The following RIN2 variants were observed in gnomAD, a reference collection of about 807,000 sequenced individuals.
RIN2 encodes Ras and Rab interactor 2.
A neutral mutation model predicts 78.0 loss-of-function variants in RIN2; 36 were observed. That is an observed-to-expected ratio of 0.46 (90% CI 0.35 to 0.61). The LOEUF is 0.61. Ranked by LOEUF, RIN2 falls within the 20% of genes least tolerant of loss-of-function variation. The pLI is 0.00. For synonymous variants in RIN2, 466 were observed against 466.8 expected (o/e 1.00, Z 0.02); for missense variants, 1,087 against 1,159.7 (o/e 0.94, Z 0.91).
At chr20:19,815,230 A>C (rs2035728157) in intron 2 of RIN2, among the ~76,000 whole-genome samples, 1 of 152,228 alleles carries the variant, frequency 6.6e-6, no homozygotes, top group South Asian at 2.1e-4. Flanking sequence ...TAGGTAATTC[A>C]TTATTGAGAA....
intron 3 of RIN2, among the ~76,000 whole-genome samples, chr20:19,920,310 A>AG (rs2039865309): frequency 6.6e-6 from 1 of 151,898 alleles, no homozygotes. Flanking sequence ...AAAAAAAAAA[A>AG]AAGGAAAAAC....
At chr20:19,825,054 G>C (rs949600591) in intron 2 of RIN2, among the ~76,000 whole-genome samples, 1 of 152,206 alleles carries the variant, frequency 6.6e-6, no homozygotes, top group Non-Finnish European at 1.5e-5. Flanking sequence ...TCACCAGTGG[G>C]ATAACTGTGG....
At chr20:19,819,269 C>T (rs1374652494) in intron 2 of RIN2, among the ~76,000 whole-genome samples, 3 of 152,226 alleles carry the variant, frequency 2.0e-5, no homozygotes, top group African/African-American at 7.2e-5. Context: ...TCCTGGCTTG[C>T]AGATAGTCAC....
chr20:19,776,612 G>A (rs1003324930), intron 1 of RIN2, among the ~76,000 whole-genome samples: 2 of 151,910 alleles, frequency 1.3e-5, no homozygotes, highest in Non-Finnish European at 2.9e-5. Context: ...GCTGCCTGTA[G>A]TCCCAGCTAC....
At chr20:19,997,474 C>G (rs1250973726) in intron 12 of RIN2, among the ~76,000 whole-genome samples, 1 of 152,110 alleles carries the variant, frequency 6.6e-6, no homozygotes, top group Non-Finnish European at 1.5e-5. Flanking sequence ...AATCTTTACC[C>G]AAGGCCAGGC....
chr20:19,884,233 A>C (rs1240108172), intron 2 of RIN2, among the ~76,000 whole-genome samples: 1 of 151,974 alleles, frequency 6.6e-6, no homozygotes, highest in African/African-American at 2.4e-5. Flanking sequence ...CCTGGGCAAC[A>C]TAGGGAGGGA....
chr20:19,782,312 C>T (rs984341455), intron 1 of RIN2, among the ~76,000 whole-genome samples: 7 of 152,154 alleles, frequency 4.6e-5, no homozygotes, highest in African/African-American at 1.7e-4. Context: ...CGCCTGTAAT[C>T]CCGGCACTTT....
At chr20:19,990,624 T>C (rs1364590837) in intron 10 of RIN2, among the ~76,000 whole-genome samples, 1 of 151,976 alleles carries the variant, frequency 6.6e-6, no homozygotes, top group African/African-American at 2.4e-5. Flanking sequence ...AAGAAGAAAA[T>C]TAACTGAGGG....
intron 2 of RIN2, among the ~76,000 whole-genome samples, chr20:19,827,024 G>A (rs2036113117): frequency 7.1e-6 from 1 of 141,236 alleles, no homozygotes. Context: ...TGCCCAGGCT[G>A]GAGTACAGTG....
At chr20:19,895,977 A>G (rs2038701137) in intron 3 of RIN2, 1 of 152,142 alleles carries the variant, frequency 6.6e-6, no homozygotes, top group African/African-American at 2.4e-5. Context: ...TTTTTCAATC[A>G]TTCAGAACTG....
At chr20:19,944,242 A>C (rs2040996219) in intron 4 of RIN2, among the ~76,000 whole-genome samples, 1 of 152,010 alleles carries the variant, frequency 6.6e-6, no homozygotes, top group African/African-American at 2.4e-5. Context: ...CTGTCTCTCT[A>C]CATAAGGGGC....
chr20:19,862,722 A>C (rs2037382096), intron 2 of RIN2, among the ~76,000 whole-genome samples: 1 of 152,182 alleles, frequency 6.6e-6, no homozygotes, highest in African/African-American at 2.4e-5. Context: ...TCATTGAATA[A>C]TTTTTTCTTT....
At chr20:19,957,649 T>C (rs576226745) in intron 5 of RIN2, among the ~76,000 whole-genome samples, 1 of 151,884 alleles carries the variant, frequency 6.6e-6, no homozygotes, top group African/African-American at 2.4e-5. Context: ...TGCACTCCAG[T>C]CTGGGCGACA....
intron 2 of RIN2, among the ~76,000 whole-genome samples, chr20:19,810,153 C>T (rs2035542015): frequency 6.6e-6 from 1 of 150,754 alleles, no homozygotes; most frequent in Non-Finnish European, 1.5e-5. Context: ...AATGCCAGCA[C>T]TTTGGGAGGC....
At chr20:19,778,030 C>A (rs1185518140) in intron 1 of RIN2, among the ~76,000 whole-genome samples, 11 of 152,194 alleles carry the variant, frequency 7.2e-5, no homozygotes, top group South Asian at 2.1e-4. Context: ...AAAAAGCATG[C>A]CTTTGTTTGG....
At chr20:19,986,553 C>G (rs1047790843) in intron 9 of RIN2, among the ~76,000 whole-genome samples, 2 of 152,122 alleles carry the variant, frequency 1.3e-5, no homozygotes, top group African/African-American at 4.8e-5. Flanking sequence ...GGTGGAATTC[C>G]CCTCGAAGGC....
In RIN2 at chr20:19,889,888, G is replaced by T. The variant is rs546881106; in HGVS notation, c.57+230G>T. ...GGACTCGGGCACGGAGAGGGGCCGT[G>T]CTGTGCAAGACGGCTGAGGCTGTCT... On this transcript the variant is annotated intron_variant, in intron 3 of 12. Transcript: ENST00000255006. Among the ~76,000 whole-genome samples, 378 of 152,304 alleles carry T rather than the reference G, an allele frequency of 2.5e-3. 2 individuals carry two copies. The highest frequency in any genetic ancestry group is 2.4e-3 in the Non-Finnish European group (160 of 68,026).
intron 9 of RIN2, among the ~76,000 whole-genome samples, chr20:19,989,352 C>T (rs1392468138): frequency 6.7e-6 from 1 of 148,952 alleles, no homozygotes; most frequent in South Asian, 2.1e-4. Context: ...TGGCTCACTG[C>T]AACCTCTGCC....
intron 2 of RIN2, among the ~76,000 whole-genome samples, chr20:19,866,177 G>C (rs1449602626): frequency 1.3e-5 from 2 of 152,010 alleles, no homozygotes; most frequent in Admixed American, 1.3e-4. Flanking sequence ...ACAGAGTGTA[G>C]ATCCCTTGCA....
Sources: gnomAD v4.1 joint callset for allele counts (sites outside exome capture counted in the v4.1 genomes callset) on GRCh38, gnomAD v4.1.1 for gene constraint, MANE v1.5 for transcripts, NCBI Gene and HGNC (gene_info 2026-07-23, HGNC 2026-07-21) for gene names.